FAM169A: variants seen among roughly 807,000 people sequenced by gnomAD.
FAM169A encodes family with sequence similarity 169 member A, also known as soluble lamin-associated protein of 75 kDa.
FAM169A carries 24 observed loss-of-function variants against 75.7 expected under a neutral mutation model. The ratio of observed to expected loss-of-function variants is 0.32; its 90% CI spans 0.23 to 0.45. The LOEUF (loss-of-function observed/expected upper bound fraction) is 0.45, where lower values mean the gene tolerates loss of function less well. Ranked by LOEUF, FAM169A falls within the 20% of genes least tolerant of loss-of-function variation. FAM169A has a pLI of 1.00. For missense variants in FAM169A, 673 were observed against 784.0 expected (o/e 0.86, Z 1.69); for synonymous variants, 271 against 271.0 (o/e 1.00, Z 0.00).
chr5:74,794,778 C>CA (rs980861741), intron 11 of FAM169A, among the ~76,000 whole-genome samples: 4,097 of 65,420 alleles, frequency 0.063, 226 homozygotes, highest in African/African-American at 0.18. Flanking sequence ...AACTCCGTCT[C>CA]AAAAAAAAAA....
At chr5:74,788,832 ACT>A (rs760248856) in intron 11 of FAM169A, among the ~76,000 whole-genome samples, 64 of 152,310 alleles carry the variant, frequency 4.2e-4, no homozygotes, top group Non-Finnish European at 7.9e-4. Context: ...TCACGGTTCA[ACT>A]CTCTCATTTG....
At chr5:74,833,720 C>T (rs1433814692) in intron 5 of FAM169A, among the ~76,000 whole-genome samples, 1 of 152,130 alleles carries the variant, frequency 6.6e-6, no homozygotes, top group Non-Finnish European at 1.5e-5. Context: ...AGGTACAAAA[C>T]AAGGCAGACT....
At chr5:74,785,231 T>C (rs183364874) in intron 11 of FAM169A, among the ~76,000 whole-genome samples, 16 of 151,962 alleles carry the variant, frequency 1.1e-4, no homozygotes, top group South Asian at 2.1e-4. Flanking sequence ...AGGCAGAGAA[T>C]TGCTTGAACC....
intron 4 of FAM169A, among the ~76,000 whole-genome samples, chr5:74,837,035 C>A (rs1255584200): frequency 6.6e-6 from 1 of 151,882 alleles, no homozygotes; most frequent in Non-Finnish European, 1.5e-5. Flanking sequence ...GGTTTTGACT[C>A]CTCCTCTTTT....
chr5:74,812,661 G>C (rs149187951), intron 6 of FAM169A, among the ~76,000 whole-genome samples: 1 of 151,976 alleles, frequency 6.6e-6, no homozygotes, highest in African/African-American at 2.4e-5. Context: ...CCCCAAAATG[G>C]TCAAAGGATC....
At chr5:74,822,010 CGTT>C in intron 5 of FAM169A, among the ~76,000 whole-genome samples, 1 of 152,242 alleles carries the variant, frequency 6.6e-6, no homozygotes, top group Non-Finnish European at 1.5e-5. Context: ...GTCTCCAGGT[CGTT>C]GTATTTCTTA....
intron 1 of FAM169A, among the ~76,000 whole-genome samples, chr5:74,844,481 A>G (rs1316955364): frequency 6.6e-6 from 1 of 151,988 alleles, no homozygotes; most frequent in Non-Finnish European, 1.5e-5. Flanking sequence ...CAAAAAAAGA[A>G]AAGAAAAGAA....
chr5:74,781,444 C>T lies in FAM169A; in HGVS notation c.*16G>A, dbSNP rs373494393. On this transcript the variant is annotated 3_prime_UTR_variant, in exon 13 of 13. Coordinates refer to ENST00000687041, the MANE Select transcript of FAM169A (RefSeq NM_001376049.1). ...TGTTACAAAGAAGAGGATTTATCAT[C>T]CACTTTCTTCTTCCTTCAGGTCAGC... The T allele has an allele frequency of 1.4e-5, 23 of 1,599,842 alleles. No homozygotes were observed. The highest frequency in any genetic ancestry group is 8.6e-5 in the Admixed American group (5 of 58,460).
In FAM169A at chr5:74,778,082, G is replaced by T. The variant is rs901979861; in HGVS notation, c.*3378C>A. Reference sequence around the variant, plus strand: ...AGGCGAATAAAAATACTGACTCCAGGTAATTTCTGGATACTACAAAAATGA... The same window carrying T: ...AGGCGAATAAAAATACTGACTCCAGTTAATTTCTGGATACTACAAAAATGA... On this transcript the variant is annotated 3_prime_UTR_variant, in exon 13 of 13. Coordinates refer to ENST00000687041, the MANE Select transcript of FAM169A (RefSeq NM_001376049.1). The T allele has an allele frequency of 1.3e-4, 19 of 151,954 alleles. No homozygotes were observed. The highest frequency in any genetic ancestry group is 1.3e-4 in the Non-Finnish European group (9 of 67,890). 9.4% of individuals were successfully genotyped at this position (151,954 alleles called of 1,614,324 possible).
rs1745277412 is a variant in FAM169A at position 74,779,100 on chromosome 5, G to A, written c.*2360C>T. 6.6e-6 allele frequency: 1 copy of A among 152,016 alleles called. No homozygotes were observed. Among genetic ancestry groups the A allele is most frequent in the African/African-American group, 2.4e-5 (1 of 41,420 alleles). 9.4% of individuals were successfully genotyped at this position (152,016 alleles called of 1,614,324 possible). On this transcript the variant is annotated 3_prime_UTR_variant, in exon 13 of 13. Coordinates refer to ENST00000687041, the MANE Select transcript of FAM169A (RefSeq NM_001376049.1). ...GAATCTGTAACAGAAGTGTTCTTGTGTGCTGAACAAAAAACTTCTAAATTG... is the reference window on the plus strand; with the variant it reads ...GAATCTGTAACAGAAGTGTTCTTGTATGCTGAACAAAAAACTTCTAAATTG...
intron 11 of FAM169A, among the ~76,000 whole-genome samples, chr5:74,793,530 G>T (rs1280818318): frequency 3.3e-5 from 5 of 152,112 alleles, no homozygotes; most frequent in Non-Finnish European, 7.3e-5. Context: ...GCATAAGAGT[G>T]TTATCATGGA....
intron 2 of FAM169A, among the ~76,000 whole-genome samples, chr5:74,840,715 G>A (rs1580151354): frequency 2.0e-5 from 3 of 151,350 alleles, no homozygotes; most frequent in African/African-American, 4.9e-5. Context: ...TGTAGTCCTA[G>A]CTACTCGGGA....
At chr5:74,861,324 A>G (rs903451518) in intron 1 of FAM169A, among the ~76,000 whole-genome samples, 7 of 152,152 alleles carry the variant, frequency 4.6e-5, no homozygotes, top group African/African-American at 1.7e-4. Context: ...TACCAAATAT[A>G]TACACTGGTA....
rs767393683 is a variant in FAM169A at position 74,810,446 on chromosome 5, C to T, written c.670+3394G>A. ...CAGCAAAAATGTACACTTTTGTGTA[C>T]GGTACATGTACGGTACATGTAGGCT... On this transcript the variant is annotated intron_variant, in intron 6 of 12. Transcript: ENST00000687041. Among the ~76,000 whole-genome samples the T allele has an allele frequency of 7.8e-4, 119 of 151,834 alleles. 2 individuals are homozygous for T. The highest frequency in any genetic ancestry group is 1.5e-3 in the Non-Finnish European group (101 of 67,954).
chr5:74,803,287 A>G (rs890798295), intron 8 of FAM169A, among the ~76,000 whole-genome samples: 1 of 152,132 alleles, frequency 6.6e-6, no homozygotes, highest in Non-Finnish European at 1.5e-5. Flanking sequence ...CCAATACTAA[A>G]TGAATCTGTG....
rs1746581779 is a variant in FAM169A, at chr5:74,801,610, G to T, written c.932C>A (p.Ala311Asp). Reference sequence around the variant, plus strand: ...CTTACCTTCGGAAGTGCTTGCAAAGGCATCTTTTAGAGAATCAATCTAAAA... The same window carrying T: ...CTTACCTTCGGAAGTGCTTGCAAAGTCATCTTTTAGAGAATCAATCTAAAA... ...MQLTIDSLKD[A>D]FASTSEGHDK... Residue 311 changes from alanine to aspartate, a missense_variant, in exon 9 of 13, where the codon GCC becomes GAC. Physicochemically the swap from Ala to Asp is moderately radical, Grantham distance 126. Transcript: ENST00000687041. 6.2e-7 allele frequency: 1 copy of T among 1,608,996 alleles called. No homozygotes were observed. The highest frequency in any genetic ancestry group is 8.5e-7 in the Non-Finnish European group (1 of 1,177,964).
intron 1 of FAM169A, among the ~76,000 whole-genome samples, chr5:74,856,253 T>A (rs2112730390): frequency 6.6e-6 from 1 of 152,302 alleles, no homozygotes; most frequent in Admixed American, 6.5e-5. Context: ...CAGGATAGCT[T>A]TGGCTATTCT....
At chr5:74,813,806 A>G (rs753678757) in intron 6 of FAM169A, 34 bp downstream of exon 6, 12 of 1,433,534 alleles carry the variant, frequency 8.4e-6, no homozygotes, top group Non-Finnish European at 1.1e-5. Context: ...TGACACAAAG[A>G]CAAGTTTATT....
chr5:74,793,162 T>C (rs1221484047), intron 11 of FAM169A, among the ~76,000 whole-genome samples: 1 of 151,910 alleles, frequency 6.6e-6, no homozygotes, highest in Non-Finnish European at 1.5e-5. Flanking sequence ...CCGTCTCTAC[T>C]ACAAATACAA....
Sources: allele counts gnomAD v4.1 joint callset (sites outside exome capture counted in the v4.1 genomes callset), GRCh38; gene constraint gnomAD v4.1.1; transcripts MANE v1.5; gene names NCBI Gene and HGNC (gene_info 2026-07-23, HGNC 2026-07-21).